The following TAOK1 variants were observed in gnomAD, a reference collection of about 807,000 sequenced individuals.
The protein encoded by TAOK1 is TAO kinase 1, also known as serine/threonine-protein kinase TAO1.
Under a neutral mutation model 138.3 loss-of-function variants are expected in TAOK1, and 21 were observed. That is an observed-to-expected ratio of 0.15 (90% CI 0.11 to 0.22). TAOK1 has a LOEUF of 0.22. Ranked by LOEUF, TAOK1 falls within the 10% of genes least tolerant of loss-of-function variation. The probability of loss-of-function intolerance (pLI) is 1.00; values close to 1 mark genes in which losing one functional copy is unlikely to be tolerated. For synonymous variants in TAOK1, 361 were observed against 398.4 expected, an observed-to-expected ratio of 0.91 and a Z score of 1.12; for missense variants, 651 against 1,227.7, an observed-to-expected ratio of 0.53 and a Z score of 7.02.
chr17:29,501,238 AAAAAGAAAAG>A (rs1195591512), intron 12 of TAOK1, among the ~76,000 whole-genome samples: 1 of 142,326 alleles, frequency 7.0e-6, no homozygotes, highest in Non-Finnish European at 1.5e-5. Context: ...AAAAAAAAAA[AAAAAGAAAAG>A]AAAAGAAAAA....
At chr17:29,537,369 CA>C (rs1212270583) in intron 19 of TAOK1, among the ~76,000 whole-genome samples, 3 of 151,658 alleles carry the variant, frequency 2.0e-5, no homozygotes, top group Non-Finnish European at 4.4e-5. Context: ...TTTCAAGTGT[CA>C]ACAGAGACTC....
At chr17:29,477,940 A>T (rs1199305755) in intron 5 of TAOK1, among the ~76,000 whole-genome samples, 2 of 152,108 alleles carry the variant, frequency 1.3e-5, no homozygotes, top group African/African-American at 2.4e-5. Context: ...ATTTTTCTGA[A>T]TTCTCTGTCA....
At position 29,397,603 on chromosome 17, in the gene TAOK1, C is replaced by CA. The variant is rs1567706610; in HGVS notation, c.-95+6579_-95+6580insA. Among the ~76,000 whole-genome samples, 13 of 54,282 alleles carry CA rather than the reference C, an allele frequency of 2.4e-4. 2 individuals carry two copies. Among genetic ancestry groups the CA allele is most frequent in the Admixed American group, 1.7e-3 (10 of 5,860 alleles). 35.6% of individuals were successfully genotyped at this position (54,282 alleles called of 152,430 possible). A position where few individuals can be genotyped will look rare whatever the true frequency, so the allele number is the denominator to read the frequency against. On this transcript the variant is annotated intron_variant, in intron 1 of 19. Coordinates refer to ENST00000261716, the MANE Select transcript of TAOK1 (RefSeq NM_020791.4). ...GGGCAACAGAGTGAGATTCCGTCCC[C>CA]CCCCAAAAAAATATATATATATATA...
chr17:29,425,834 T>C (rs1452435001), intron 1 of TAOK1, among the ~76,000 whole-genome samples: 1 of 152,204 alleles, frequency 6.6e-6, no homozygotes. Context: ...ATTTCTCTTA[T>C]TTTAATGCAT....
intron 1 of TAOK1, among the ~76,000 whole-genome samples, chr17:29,420,372 C>T (rs987546389): frequency 2.6e-5 from 4 of 151,986 alleles, no homozygotes; most frequent in Non-Finnish European, 1.5e-5. Flanking sequence ...ATTCTGCAAC[C>T]TTGATAAATT....
intron 17 of TAOK1, among the ~76,000 whole-genome samples, chr17:29,526,391 C>T (rs565151554): frequency 4.0e-4 from 61 of 151,684 alleles, no homozygotes; most frequent in Non-Finnish European, 8.4e-4. Context: ...TCTAGAAGCA[C>T]TTGGAACAAC....
intron 1 of TAOK1, among the ~76,000 whole-genome samples, chr17:29,422,843 G>A (rs7207807): frequency 0.035 from 5,342 of 152,234 alleles, 291 homozygotes; most frequent in African/African-American, 0.12. Flanking sequence ...GACCAACATA[G>A]TGAAACCCCC....
At chr17:29,416,539 CATT>C (rs1905269482) in intron 1 of TAOK1, among the ~76,000 whole-genome samples, 1 of 151,762 alleles carries the variant, frequency 6.6e-6, no homozygotes, top group South Asian at 2.1e-4. Context: ...TTAAATATTA[CATT>C]ATTTAATTAA....
chr17:29,435,839 C>T (rs561522335), intron 1 of TAOK1, among the ~76,000 whole-genome samples: 1 of 152,302 alleles, frequency 6.6e-6, no homozygotes, highest in East Asian at 1.9e-4. Context: ...CATAAGAATA[C>T]TCACAGATAG....
At chr17:29,447,243 G>T (rs2030107077) in intron 1 of TAOK1, among the ~76,000 whole-genome samples, 1 of 151,776 alleles carries the variant, frequency 6.6e-6, no homozygotes, top group Non-Finnish European at 1.5e-5. Context: ...CTATATTAGG[G>T]GTATTGGGAT....
chr17:29,517,923 T>C (rs1209676278), intron 16 of TAOK1, among the ~76,000 whole-genome samples: 4 of 152,146 alleles, frequency 2.6e-5, no homozygotes, highest in Non-Finnish European at 5.9e-5. Context: ...TGGCTCCATC[T>C]TGGCTCAGTG....
chr17:29,526,292 T>C (rs1297686821), intron 17 of TAOK1, among the ~76,000 whole-genome samples: 1 of 151,956 alleles, frequency 6.6e-6, no homozygotes, highest in Non-Finnish European at 1.5e-5. Flanking sequence ...TCTCAACAAA[T>C]AAATAAATAA....
At chr17:29,432,116 G>A (rs1051041508) in intron 1 of TAOK1, among the ~76,000 whole-genome samples, 1 of 152,166 alleles carries the variant, frequency 6.6e-6, no homozygotes, top group African/African-American at 2.4e-5. Flanking sequence ...GGGAAATCAG[G>A]GGGCTGACAG....
chr17:29,521,783 C>A (rs1359946897), intron 16 of TAOK1, among the ~76,000 whole-genome samples: 1 of 152,194 alleles, frequency 6.6e-6, no homozygotes, highest in African/African-American at 2.4e-5. Flanking sequence ...GGGATTTCAC[C>A]CTGTTAGCCA....
intron 19 of TAOK1, among the ~76,000 whole-genome samples, chr17:29,541,785 G>GA (rs1490468590): frequency 6.6e-6 from 1 of 151,160 alleles, no homozygotes; most frequent in Non-Finnish European, 1.5e-5. Flanking sequence ...CAAAAAAAAA[G>GA]AAAAAAAGGA....
At chr17:29,401,045 G>A (rs113025417) in intron 1 of TAOK1, among the ~76,000 whole-genome samples, 3,491 of 151,398 alleles carry the variant, frequency 0.023, 91 homozygotes, top group African/African-American at 0.063. Context: ...GAGTAACTGC[G>A]ACTACAGGTG....
intron 14 of TAOK1, among the ~76,000 whole-genome samples, chr17:29,509,653 G>A (rs777620414): frequency 2.6e-5 from 4 of 151,936 alleles, no homozygotes; most frequent in South Asian, 2.1e-4. Flanking sequence ...CACCACTTTG[G>A]GAGGCCGAGG....
At chr17:29,525,402 T>G (rs1455169204) in intron 17 of TAOK1, among the ~76,000 whole-genome samples, 1 of 151,258 alleles carries the variant, frequency 6.6e-6, no homozygotes, top group East Asian at 2.0e-4. Flanking sequence ...TGAGCCACCA[T>G]GCCCGACCTT....
At chr17:29,498,592 G>C in intron 12 of TAOK1, 71 bp downstream of exon 12, 1 of 1,526,742 alleles carries the variant, frequency 6.5e-7, no homozygotes, top group Non-Finnish European at 9.0e-7. Flanking sequence ...TAGTTTAAGA[G>C]AAGGAAGAAG....
Sources: allele counts gnomAD v4.1 joint callset (sites outside exome capture counted in the v4.1 genomes callset), GRCh38; gene constraint gnomAD v4.1.1; transcripts MANE v1.5; gene names NCBI Gene and HGNC (gene_info 2026-07-23, HGNC 2026-07-21).